Variants in LRRC8A observed in about 807,000 individuals in gnomAD.
LRRC8A encodes the protein leucine rich repeat containing 8 VRAC subunit A, also known as volume-regulated anion channel subunit LRRC8A.
Under a neutral mutation model 52.5 loss-of-function variants are expected in LRRC8A, and 24 were observed. The observed-to-expected ratio is 0.46, with a 90% confidence interval of 0.33 to 0.64. The LOEUF is 0.64. LRRC8A is among the 30% of genes least tolerant of loss of function. The pLI, the probability that LRRC8A is intolerant of heterozygous loss-of-function variation, is 0.02. For missense variants in LRRC8A, 677 were observed against 1,094.7 expected (o/e 0.62, Z 5.38); for synonymous variants, 492 against 494.2 (o/e 1.00, Z 0.06).
At chr9:128,893,210 G>A (rs1308033879) in intron 2 of LRRC8A, among the ~76,000 whole-genome samples, 1 of 152,012 alleles carries the variant, frequency 6.6e-6, no homozygotes, top group African/African-American at 2.4e-5. Flanking sequence ...GAGGTTCTGC[G>A]AGTCCTGGGG....
intron 2 of LRRC8A, among the ~76,000 whole-genome samples, chr9:128,894,499 A>G (rs1304168786): frequency 6.7e-6 from 1 of 148,972 alleles, no homozygotes; most frequent in East Asian, 2.0e-4. Flanking sequence ...AAAAAAAATT[A>G]TACCAGTAAC....
intron 2 of LRRC8A, among the ~76,000 whole-genome samples, chr9:128,903,294 C>T (rs553114386): frequency 9.2e-5 from 14 of 152,312 alleles, no homozygotes; most frequent in South Asian, 2.1e-4. Context: ...TTGCTGAGTG[C>T]CCCATTCCAC....
In LRRC8A at chr9:128,907,268, T is replaced by A. The variant is rs1468055044; in HGVS notation, c.104T>A (p.Met35Lys). Reference sequence around the variant, plus strand: ...TTCACAGACTACATCTCTATCGTCATGCTGATGATTGCCGTCTTCGGGGGG... The same window carrying A: ...TTCACAGACTACATCTCTATCGTCAAGCTGATGATTGCCGTCTTCGGGGGG... ...DVFTDYISIV[M>K]LMIAVFGGTL... is the part of the protein sequence containing the mutation. The change falls in exon 3 of 4, where the codon ATG becomes AAG. Residue 35 changes from methionine (M) to lysine (K), a missense_variant. Physicochemically the swap from Met to Lys is moderately conservative, Grantham distance 95 (BLOSUM62 -1). Transcript: ENST00000372600. The surrounding 1 kb of genome is among the most constrained non-coding windows in gnomAD (Gnocchi z 9.3). The A allele has an allele frequency of 2.5e-6, 4 of 1,614,108 alleles. No homozygotes were observed. The highest frequency in any genetic ancestry group is 3.4e-6 in the Non-Finnish European group (4 of 1,180,030).
intron 2 of LRRC8A, among the ~76,000 whole-genome samples, chr9:128,903,630 G>C (rs191073806): frequency 2.0e-5 from 3 of 151,688 alleles, no homozygotes; most frequent in Admixed American, 6.6e-5. Context: ...AGCCAGGATG[G>C]TCTCGATCTC....
At chr9:128,888,462 C>A (rs980592137) in intron 2 of LRRC8A, among the ~76,000 whole-genome samples, 2 of 152,122 alleles carry the variant, frequency 1.3e-5, no homozygotes, top group Non-Finnish European at 2.9e-5. Flanking sequence ...AACAGGCAGA[C>A]CCTGACTCAG....
intron 2 of LRRC8A, among the ~76,000 whole-genome samples, chr9:128,898,920 C>G (rs73669988): frequency 0.055 from 8,441 of 152,326 alleles, 277 homozygotes; most frequent in African/African-American, 0.096. Context: ...CATGGGGAAC[C>G]AAGGTGCTGA....
At chr9:128,882,374 C>T (rs1276912473) in intron 1 of LRRC8A, 124 bp downstream of exon 1, 3 of 224,254 alleles carry the variant, frequency 1.3e-5, no homozygotes, top group African/African-American at 6.8e-5. Context: ...TCCGGGCCGG[C>T]CCCCTGGGGA....
At chr9:128,885,919 G>T (rs1223366583) in intron 1 of LRRC8A, 96 bp from the exon 2 acceptor site, 1 of 152,242 alleles carries the variant, frequency 6.6e-6, no homozygotes, top group Non-Finnish European at 1.5e-5. Flanking sequence ...CCAAGGGCCT[G>T]CTACCAAGCA....
intron 2 of LRRC8A, among the ~76,000 whole-genome samples, chr9:128,898,427 C>T (rs914033031): frequency 2.0e-5 from 3 of 152,196 alleles, no homozygotes; most frequent in Non-Finnish European, 4.4e-5. Context: ...TGTCTCTTTA[C>T]CAGGTGTCCT....
Position 128,899,735 on chromosome 9 carries a change from A to G in LRRC8A, c.-8-7422A>G, listed in dbSNP as rs1839955358. On this transcript the variant is annotated intron_variant, in intron 2 of 3. Coordinates refer to ENST00000372600, the MANE Select transcript of LRRC8A (RefSeq NM_019594.4). The surrounding 1 kb of genome is among the most constrained non-coding windows in gnomAD (Gnocchi z 4.0). ...AGAGGAAGTGGGATGGAGTGCTTGG[A>G]GGCGGTGGGAGGAAGGGGTGTCGTG... is the stretch of plus-strand genomic sequence containing the variant. 6.6e-6 allele frequency among the ~76,000 whole-genome samples: 1 copy of G among 152,058 alleles called. No homozygotes were observed. Among genetic ancestry groups the G allele is most frequent in the African/African-American group, 2.4e-5 (1 of 41,424 alleles).
chr9:128,891,763 T>C (rs1334195850), intron 2 of LRRC8A, among the ~76,000 whole-genome samples: 1 of 151,834 alleles, frequency 6.6e-6, no homozygotes, highest in African/African-American at 2.4e-5. Flanking sequence ...AGGAAAAGAG[T>C]ATCTTGTCTC....
chr9:128,884,605 G>A (rs1160012563), intron 1 of LRRC8A, among the ~76,000 whole-genome samples: 1 of 152,150 alleles, frequency 6.6e-6, no homozygotes, highest in Non-Finnish European at 1.5e-5. Context: ...TTAGCTCTGG[G>A]TGGTTATGTA....
At chr9:128,890,130 TTGTGTGTGTGTG>T (rs57721007) in intron 2 of LRRC8A, among the ~76,000 whole-genome samples, 28 of 128,206 alleles carry the variant, frequency 2.2e-4, no homozygotes, top group Non-Finnish European at 3.6e-4. Context: ...TGGCTTCATT[TTGTGTGTGTGTG>T]TGTGTGTGTG....
At chr9:128,900,032 G>C (rs1370755019) in intron 2 of LRRC8A, among the ~76,000 whole-genome samples, 1 of 152,242 alleles carries the variant, frequency 6.6e-6, no homozygotes, top group Non-Finnish European at 1.5e-5. Context: ...CTGCTCTCTT[G>C]TGGGTATCTA....
In LRRC8A at chr9:128,903,531, G is replaced by A. The variant is rs577457828; in HGVS notation, c.-8-3626G>A. 2.5e-4 allele frequency among the ~76,000 whole-genome samples: 38 copies of A among 151,446 alleles called. 1 individual carries two copies. The South Asian group carries it at 7.1e-3, about 28-fold the overall frequency. On this transcript the variant is annotated intron_variant, in intron 2 of 3. Transcript: ENST00000372600. ...GGGTTCACGCCATTCTCCTGCCTCA[G>A]CCTTCCAAGCAGCTGGGACTACAGG...
chr9:128,909,722 C>T (rs1840422544), intron 3 of LRRC8A, among the ~76,000 whole-genome samples: 1 of 152,184 alleles, frequency 6.6e-6, no homozygotes, highest in African/African-American at 2.4e-5. Context: ...CAAGACTTAG[C>T]CTGGAGTTTG....
At chr9:128,915,770 G>T (rs1840785432) in intron 3 of LRRC8A, among the ~76,000 whole-genome samples, 6 of 152,200 alleles carry the variant, frequency 3.9e-5, no homozygotes. Context: ...GCCAGGTGCT[G>T]GAAGATAGTG....
intron 3 of LRRC8A, among the ~76,000 whole-genome samples, chr9:128,914,654 GA>G (rs1840725974): frequency 6.6e-6 from 1 of 152,212 alleles, no homozygotes; most frequent in Admixed American, 6.5e-5. Context: ...AGCAAGCTCA[GA>G]AGGGCTGCTG....
Position 128,909,275 on chromosome 9 carries a change from T to C in LRRC8A, c.2111T>C (p.Ile704Thr), listed in dbSNP as rs1201803467. 6.2e-7 allele frequency: 1 copy of C among 1,613,958 alleles called. No individual in the cohort carries two copies. The highest frequency in any genetic ancestry group is 8.5e-7 in the Non-Finnish European group (1 of 1,180,042). ...HNNLTFLPAD[I>T]GLLQNLQNLA... ...AACCTGACCTTCCTCCCTGCCGACA[T>C]CGGCCTCCTGCAGAACCTCCAGAAC... The change falls in exon 3 of 4, where the codon ATC becomes ACC. Residue 704 changes from isoleucine to threonine, a missense_variant. By Grantham distance (89) the Ile-to-Thr change is moderately conservative. Around this residue, in one of 4 missense-constraint regions of LRRC8A, gnomAD observed 169 missense variants for 217.6 expected, o/e 0.78. Transcript: ENST00000372600.
Sources: gnomAD v4.1 joint callset for allele counts (sites outside exome capture counted in the v4.1 genomes callset) on GRCh38, gnomAD v4.1.1 for gene constraint, gnomAD v4.1.1 regional missense constraint, Gnocchi (gnomAD v3.1) non-coding constraint, MANE v1.5 for transcripts, NCBI Gene and HGNC (gene_info 2026-07-23, HGNC 2026-07-21) for gene names.